Variants in PGBD5 observed in about 807,000 individuals in gnomAD.
The protein encoded by PGBD5 is piggyBac transposable element derived 5.
A neutral mutation model predicts 47.9 loss-of-function variants in PGBD5; 14 were observed. That is an observed-to-expected ratio of 0.29 (90% CI 0.19 to 0.46). PGBD5 has a LOEUF of 0.46. Among genes scored for constraint, PGBD5 ranks in the 20% least tolerant of loss-of-function variants. The probability of loss-of-function intolerance (pLI) is 1.00; values close to 1 mark genes in which losing one functional copy is unlikely to be tolerated. For missense variants in PGBD5, 635 were observed against 716.0 expected (o/e 0.89, Z 1.29); for synonymous variants, 316 against 306.3 (o/e 1.03, Z -0.33).
At chr1:230,376,146 C>A (rs1668010840) in intron 1 of PGBD5, among the ~76,000 whole-genome samples, 1 of 152,044 alleles carries the variant, frequency 6.6e-6, no homozygotes, top group Admixed American at 6.6e-5. Flanking sequence ...TGCGTGGAGT[C>A]CTTCCTTTCT....
In PGBD5 at chr1:230,315,957, A is replaced by T. The variant is rs28576453; in HGVS notation, c.*7468T>A. 0.29 allele frequency: 18,090 copies of T among 61,990 alleles called. 4,083 individuals are homozygous for T. The highest frequency in any genetic ancestry group is 0.5 in the African/African-American group (11,108 of 22,032). The allele number at this position is 61,990 out of a possible 1,614,324, so 3.8% of individuals were successfully genotyped here. ...ATATATGTATGTGTATACATACATAAGTATATGTGTACACATATATGTATG... is the reference window on the plus strand; with the variant it reads ...ATATATGTATGTGTATACATACATATGTATATGTGTACACATATATGTATG... On this transcript the variant is annotated 3_prime_UTR_variant, in exon 7 of 7. Coordinates refer to ENST00000391860, the MANE Select transcript of PGBD5 (RefSeq NM_001258311.2).
chr1:230,332,879 C>T lies in PGBD5; in HGVS notation c.1238G>A (p.Arg413His), dbSNP rs777711173. The T allele has an allele frequency of 8.1e-6, 13 of 1,614,078 alleles. No homozygotes were observed. The highest frequency in any genetic ancestry group is 1.1e-5 in the Non-Finnish European group (13 of 1,180,038). ...CGGGGAGTAGGCGTTGGTCAGGAAG[C>T]GGAAGTGTCCTTTGTTGTACCAGCA... ...LICWYNKGHF[R>H]FLTNAYSPVQ... Residue 413 changes from arginine to histidine, a missense_variant, in exon 5 of 7, where the codon CGC becomes CAC. Coordinates refer to ENST00000391860, the MANE Select transcript of PGBD5 (RefSeq NM_001258311.2).
intron 2 of PGBD5, among the ~76,000 whole-genome samples, chr1:230,352,541 T>C (rs747228918): frequency 2.6e-5 from 4 of 152,036 alleles, no homozygotes; most frequent in Admixed American, 1.3e-4. Flanking sequence ...TGCATTCAAT[T>C]TTCGAAAAGT....
At chr1:230,368,144 G>A (rs372433985) in intron 1 of PGBD5, 17 of 1,367,636 alleles carry the variant, frequency 1.2e-5, no homozygotes, top group African/African-American at 1.5e-5. Flanking sequence ...TGAGGAGGAG[G>A]CTGCGGAGGA....
At chr1:230,327,536 G>A (rs1667140568) in intron 5 of PGBD5, among the ~76,000 whole-genome samples, 1 of 152,230 alleles carries the variant, frequency 6.6e-6, no homozygotes. Context: ...CCGGGGAAGG[G>A]GCCCTGGCAA....
At chr1:230,362,329 T>G (rs763417421) in intron 1 of PGBD5, 2 of 1,367,728 alleles carry the variant, frequency 1.5e-6, no homozygotes, top group East Asian at 9.1e-5. Flanking sequence ...GAATGGATTA[T>G]AGGGCGGCCG....
chr1:230,337,350 A>G (rs1667343021), intron 3 of PGBD5, 62 bp from the exon 4 acceptor site: 1 of 1,457,368 alleles, frequency 6.9e-7, no homozygotes, highest in East Asian at 2.5e-5. Flanking sequence ...GAGCCCGAGT[A>G]TTCAGCAAGC....
intron 5 of PGBD5, among the ~76,000 whole-genome samples, chr1:230,332,108 G>A (rs938792804): frequency 1.1e-3 from 7 of 6,118 alleles, no homozygotes; most frequent in Middle Eastern, 0.25. Flanking sequence ...GCACAAATCT[G>A]CACACAAACA....
intron 1 of PGBD5, among the ~76,000 whole-genome samples, chr1:230,389,969 G>A (rs187889954): frequency 2.0e-5 from 3 of 152,282 alleles, no homozygotes; most frequent in Admixed American, 6.5e-5. Context: ...AGGAGGAAAC[G>A]GAGGCCAAGA....
chr1:230,333,885 G>C (rs951705139), intron 4 of PGBD5, among the ~76,000 whole-genome samples: 5 of 152,152 alleles, frequency 3.3e-5, no homozygotes, highest in Non-Finnish European at 5.9e-5. Context: ...AGGCCTTTCA[G>C]GTCCTTCCAC....
At chr1:230,355,488 C>T (rs755476636) in intron 2 of PGBD5, among the ~76,000 whole-genome samples, 1 of 152,216 alleles carries the variant, frequency 6.6e-6, no homozygotes, top group Non-Finnish European at 1.5e-5. Flanking sequence ...TCCAGGCAAT[C>T]GTCTCTCATT....
intron 1 of PGBD5, among the ~76,000 whole-genome samples, chr1:230,424,622 G>A (rs1460657734): frequency 1.3e-5 from 2 of 152,210 alleles, no homozygotes; most frequent in East Asian, 3.9e-4. Flanking sequence ...AGGAAAAGCC[G>A]CATCATGCCC....
rs192115177 is a variant in PGBD5, at chr1:230,405,852, T to C, written c.331+19746A>G. 1.4e-3 allele frequency among the ~76,000 whole-genome samples: 207 copies of C among 152,372 alleles called. 1 individual carries two copies. The highest frequency in any genetic ancestry group is 2.4e-3 in the Non-Finnish European group (164 of 68,038). The stretch of plus-strand genomic sequence containing the variant: ...TTGATTTGATGGGTGATTGTTGTCA[T>C]TTAATAGTGTAGATTCCCATCATGT... On this transcript the variant is annotated intron_variant, in intron 1 of 6. Coordinates refer to ENST00000391860, the MANE Select transcript of PGBD5 (RefSeq NM_001258311.2).
At chr1:230,375,180 T>C (rs1667991363) in intron 1 of PGBD5, among the ~76,000 whole-genome samples, 1 of 152,138 alleles carries the variant, frequency 6.6e-6, no homozygotes, top group Non-Finnish European at 1.5e-5. Context: ...AATCAGGAGA[T>C]GAATGTCTAA....
intron 3 of PGBD5, among the ~76,000 whole-genome samples, chr1:230,347,443 C>G (rs978688759): frequency 6.6e-6 from 1 of 151,332 alleles, no homozygotes; most frequent in Admixed American, 6.6e-5. Flanking sequence ...TTCCCTTTTT[C>G]TCGGGGCACA....
chr1:230,343,507 C>T (rs1667436761), intron 3 of PGBD5, among the ~76,000 whole-genome samples: 1 of 152,198 alleles, frequency 6.6e-6, no homozygotes. Flanking sequence ...TAGTTCTCAG[C>T]TACTTGCTCA....
intron 1 of PGBD5, among the ~76,000 whole-genome samples, chr1:230,406,926 C>T (rs1391250526): frequency 6.6e-6 from 1 of 152,214 alleles, no homozygotes; most frequent in East Asian, 1.9e-4. Context: ...ACCTCCACCG[C>T]CCACGTTCAA....
At chr1:230,363,013 G>A (rs1667772413) in intron 1 of PGBD5, among the ~76,000 whole-genome samples, 1 of 152,172 alleles carries the variant, frequency 6.6e-6, no homozygotes, top group African/African-American at 2.4e-5. Flanking sequence ...TCAAGTGGGG[G>A]TGGGCCTACT....
intron 4 of PGBD5, among the ~76,000 whole-genome samples, chr1:230,335,586 C>G (rs374477995): frequency 4.7e-4 from 8 of 17,104 alleles, no homozygotes; most frequent in Admixed American, 7.3e-4. Flanking sequence ...TATACAGACA[C>G]ACACAGATAC....
Sources: allele counts gnomAD v4.1 joint callset (sites outside exome capture counted in the v4.1 genomes callset), GRCh38; gene constraint gnomAD v4.1.1; transcripts MANE v1.5; gene names NCBI Gene and HGNC (gene_info 2026-07-23, HGNC 2026-07-21).